Variants in MAGI2 observed in about 807,000 individuals in gnomAD.
MAGI2 encodes the protein membrane-associated guanylate kinase, WW and PDZ domain-containing protein 2.
Under a neutral mutation model 133.3 loss-of-function variants are expected in MAGI2, and 35 were observed. That is an observed-to-expected ratio of 0.26 (90% CI 0.20 to 0.35). The LOEUF is 0.35. MAGI2 is among the 10% of genes least tolerant of loss of function. MAGI2 has a pLI of 1.00. For missense variants in MAGI2, 1,636 were observed against 1,863.4 expected, an observed-to-expected ratio of 0.88 and a Z score of 2.25; for synonymous variants, 729 against 710.6, an observed-to-expected ratio of 1.03 and a Z score of -0.41.
intron 1 of MAGI2, among the ~76,000 whole-genome samples, chr7:79,428,008 T>C (rs557570469): frequency 2.7e-4 from 41 of 152,326 alleles, no homozygotes; most frequent in Middle Eastern, 3.4e-3. Flanking sequence ...AGAGACAGCA[T>C]GAATTTCCAA....
chr7:78,191,771 C>T (rs547361139), intron 12 of MAGI2, among the ~76,000 whole-genome samples: 8 of 152,292 alleles, frequency 5.3e-5, no homozygotes, highest in African/African-American at 1.2e-4. Context: ...TTCTGTTTCA[C>T]GTGGCCGTAG....
chr7:78,254,979 G>T (rs536360744), intron 10 of MAGI2: 2 of 152,272 alleles, frequency 1.3e-5, no homozygotes, highest in African/African-American at 4.8e-5. Flanking sequence ...CATGGCTGAG[G>T]CTCATTGACT....
intron 2 of MAGI2, among the ~76,000 whole-genome samples, chr7:78,953,232 C>T (rs909173081): frequency 6.6e-6 from 1 of 152,146 alleles, no homozygotes; most frequent in Admixed American, 6.6e-5. Context: ...TCTTTCTGAT[C>T]TACTTATTTG....
At chr7:78,607,513 A>AG (rs1368887305) in intron 3 of MAGI2, among the ~76,000 whole-genome samples, 3 of 150,114 alleles carry the variant, frequency 2.0e-5, no homozygotes, top group African/African-American at 2.4e-5. Context: ...AAAAAAAAAA[A>AG]AGAGAGTCTC....
intron 1 of MAGI2, among the ~76,000 whole-genome samples, chr7:79,429,689 T>A (rs2129185584): frequency 6.6e-6 from 1 of 152,290 alleles, no homozygotes; most frequent in Admixed American, 6.5e-5. Context: ...TTTGTGTTAT[T>A]TTGTTTTAGA....
intron 14 of MAGI2, among the ~76,000 whole-genome samples, chr7:78,169,385 T>C (rs1377831427): frequency 6.8e-6 from 1 of 147,390 alleles, no homozygotes; most frequent in East Asian, 2.0e-4. Context: ...TGCTTCCAGA[T>C]TGATTTCCTT....
At chr7:78,478,546 G>A (rs748637038) in intron 6 of MAGI2, among the ~76,000 whole-genome samples, 1 of 152,010 alleles carries the variant, frequency 6.6e-6, no homozygotes, top group East Asian at 1.9e-4. Context: ...ATAATGTTAC[G>A]TGAGAATATT....
chr7:78,504,680 T>C (rs747518208), intron 4 of MAGI2, among the ~76,000 whole-genome samples: 1 of 152,150 alleles, frequency 6.6e-6, no homozygotes, highest in African/African-American at 2.4e-5. Flanking sequence ...TGAGAACATA[T>C]CCTCTAGAAA....
intron 3 of MAGI2, among the ~76,000 whole-genome samples, chr7:78,594,717 A>G (rs922262611): frequency 6.6e-6 from 1 of 152,068 alleles, no homozygotes; most frequent in African/African-American, 2.4e-5. Flanking sequence ...CGGCCTCCCA[A>G]AGTGTTGGGA....
At chr7:79,323,324 A>G (rs1033141873) in intron 1 of MAGI2, among the ~76,000 whole-genome samples, 1 of 152,224 alleles carries the variant, frequency 6.6e-6, no homozygotes, top group Non-Finnish European at 1.5e-5. Context: ...ATTCTATGAC[A>G]AGGTGGTAGA....
At position 79,341,643 on chromosome 7, in the gene MAGI2, C is replaced by T. The variant is rs188765385; in HGVS notation, c.301+111377G>A. 1.5e-3 allele frequency among the ~76,000 whole-genome samples: 227 copies of T among 152,224 alleles called. 1 individual carries two copies. The highest frequency in any genetic ancestry group is 4.2e-3 in the African/African-American group (176 of 41,552). ...AACACTCCTATTTAAGGAAGCAGTG[C>T]GCAGTTATCTGCAGTGGCCAATAGA... On this transcript the variant is annotated intron_variant, in intron 1 of 21. Coordinates refer to ENST00000354212, the MANE Select transcript of MAGI2 (RefSeq NM_012301.4).
intron 9 of MAGI2, among the ~76,000 whole-genome samples, chr7:78,331,551 A>C (rs2151152350): frequency 6.6e-6 from 1 of 152,320 alleles, no homozygotes; most frequent in South Asian, 2.1e-4. Flanking sequence ...TTTTAGTTTA[A>C]ATTTATCTTA....
chr7:78,665,768 ATTGTG>A (rs1361453814), intron 2 of MAGI2, among the ~76,000 whole-genome samples: 2 of 152,156 alleles, frequency 1.3e-5, no homozygotes, highest in Admixed American at 6.6e-5. Context: ...ATCATACTTT[ATTGTG>A]TTAATTCATG....
rs144168866 is a variant in MAGI2 at position 78,717,206 on chromosome 7, G to A, written c.419-89967C>T. On this transcript the variant is annotated intron_variant, in intron 2 of 21. Transcript: ENST00000354212. ...CTTTGTCCAATAAACCTGTGTTACC[G>A]TCGAGCCGCCCTCCTTGTCTTTTTT... 2.2e-4 allele frequency among the ~76,000 whole-genome samples: 34 copies of A among 152,150 alleles called. 1 individual carries two copies. Among genetic ancestry groups the A allele is most frequent in the Admixed American group, 1.6e-3 (25 of 15,290 alleles).
chr7:78,746,781 T>A (rs948594485), intron 2 of MAGI2, among the ~76,000 whole-genome samples: 11 of 149,616 alleles, frequency 7.4e-5, no homozygotes, highest in Admixed American at 7.2e-4. Flanking sequence ...AGTTTTCTAG[T>A]TTTTTTTACA....
intron 10 of MAGI2, chr7:78,255,482 C>G (rs964788330): frequency 1.4e-5 from 4 of 279,904 alleles, no homozygotes; most frequent in Non-Finnish European, 2.7e-5. Context: ...TGAGTATTGT[C>G]AAGACTGTGC....
At chr7:78,645,807 T>A (rs1048064185) in intron 2 of MAGI2, among the ~76,000 whole-genome samples, 1 of 151,792 alleles carries the variant, frequency 6.6e-6, no homozygotes, top group Admixed American at 6.6e-5. Context: ...GGCATGATCT[T>A]GGCTCACTAC....
At chr7:78,033,487 A>AAG (rs1164626825) in intron 21 of MAGI2, among the ~76,000 whole-genome samples, 2 of 151,312 alleles carry the variant, frequency 1.3e-5, no homozygotes, top group Admixed American at 6.6e-5. Flanking sequence ...AAAAAAAAAA[A>AAG]AAAAAGAAAA....
chr7:78,760,942 G>A (rs1230740810), intron 2 of MAGI2, among the ~76,000 whole-genome samples: 1 of 152,178 alleles, frequency 6.6e-6, no homozygotes, highest in Non-Finnish European at 1.5e-5. Context: ...CACAGCGTCT[G>A]TTTATTTGTT....
Sources: gnomAD v4.1 joint callset for allele counts (sites outside exome capture counted in the v4.1 genomes callset) on GRCh38, gnomAD v4.1.1 for gene constraint, MANE v1.5 for transcripts, NCBI Gene and HGNC (gene_info 2026-07-23, HGNC 2026-07-21) for gene names.